The following LYPLAL1 variants were observed in gnomAD, a reference collection of about 807,000 sequenced individuals.
The protein encoded by LYPLAL1 is lysophospholipase like 1.
Under a neutral mutation model 19.7 loss-of-function variants are expected in LYPLAL1, and 23 were observed. The ratio of observed to expected loss-of-function variants is 1.17; its 90% CI spans 0.84 to 1.65. The LOEUF is 1.65. LYPLAL1 is among the 40% of genes most tolerant of loss of function. The probability of loss-of-function intolerance (pLI) is 0.00; values close to 1 mark genes in which losing one functional copy is unlikely to be tolerated. For missense variants in LYPLAL1, 355 were observed against 279.4 expected (o/e 1.27, Z -1.93); for synonymous variants, 119 against 96.3 (o/e 1.24, Z -1.38).
At chr1:219,265,801 G>A in the LYPLAL1 span, among the ~76,000 whole-genome samples, 4 of 152,100 alleles carry the variant, frequency 2.6e-5, no homozygotes, top group South Asian at 2.1e-4. Context: ...ACATGGTATC[G>A]TACTGAATAC....
At chr1:219,366,925 AT>A in the LYPLAL1 span, among the ~76,000 whole-genome samples, 1 of 151,856 alleles carries the variant, frequency 6.6e-6, no homozygotes, top group Non-Finnish European at 1.5e-5. Flanking sequence ...AAATTAAATG[AT>A]TTTTTATCCC....
At chr1:219,297,956 C>T in the LYPLAL1 span, among the ~76,000 whole-genome samples, 1 of 152,158 alleles carries the variant, frequency 6.6e-6, no homozygotes. Context: ...GATAGAGACT[C>T]AGAGAGGTTA....
At chr1:219,389,718 T>C in the LYPLAL1 span, among the ~76,000 whole-genome samples, 1 of 152,324 alleles carries the variant, frequency 6.6e-6, no homozygotes, top group East Asian at 1.9e-4. Context: ...TTGCCATCCA[T>C]AGTCTCTCTG....
the LYPLAL1 span, among the ~76,000 whole-genome samples, chr1:219,292,299 A>G: frequency 2.6e-5 from 4 of 152,224 alleles, no homozygotes; most frequent in African/African-American, 9.6e-5. Context: ...GAAGTTCACA[A>G]CCACAAGGCA....
chr1:219,203,394 A>G (rs1040190750), intron 3 of LYPLAL1, among the ~76,000 whole-genome samples: 2 of 152,098 alleles, frequency 1.3e-5, no homozygotes, highest in Non-Finnish European at 2.9e-5. Context: ...TTTATTTTCA[A>G]ATTGTCAATA....
chr1:219,317,454 C>T, the LYPLAL1 span, among the ~76,000 whole-genome samples: 7 of 152,026 alleles, frequency 4.6e-5, no homozygotes, highest in African/African-American at 1.7e-4. Context: ...GTCACTTCAA[C>T]CATCTTTAGA....
the LYPLAL1 span, among the ~76,000 whole-genome samples, chr1:219,247,338 A>G: frequency 1.3e-5 from 2 of 152,246 alleles, no homozygotes; most frequent in Non-Finnish European, 2.9e-5. Flanking sequence ...CAAAAATCTT[A>G]TAAAGAAACA....
At chr1:219,366,183 A>G in the LYPLAL1 span, among the ~76,000 whole-genome samples, 10,236 of 152,190 alleles carry the variant, frequency 0.067, 486 homozygotes, top group South Asian at 0.12. Flanking sequence ...AAACTCACTA[A>G]CCTGCCCCAA....
the LYPLAL1 span, among the ~76,000 whole-genome samples, chr1:219,362,070 T>C: frequency 3.3e-5 from 5 of 152,116 alleles, no homozygotes; most frequent in Admixed American, 6.6e-5. Flanking sequence ...TTTTGATAGA[T>C]TAATAGAATG....
At chr1:219,286,193 T>C in the LYPLAL1 span, among the ~76,000 whole-genome samples, 1 of 152,072 alleles carries the variant, frequency 6.6e-6, no homozygotes, top group Non-Finnish European at 1.5e-5. Flanking sequence ...ACAGTTGCAA[T>C]AGGCTGGCTA....
the LYPLAL1 span, among the ~76,000 whole-genome samples, chr1:219,285,760 T>A: frequency 1.3e-5 from 2 of 152,164 alleles, no homozygotes; most frequent in Admixed American, 1.3e-4. Context: ...TAAGGTTTTC[T>A]TTTAGGGGCA....
the LYPLAL1 span, among the ~76,000 whole-genome samples, chr1:219,237,238 A>G: frequency 2.6e-5 from 4 of 152,226 alleles, no homozygotes; most frequent in South Asian, 2.1e-4. Context: ...AATAAAATAC[A>G]TGGATTACTA....
At chr1:219,431,271 G>A in the LYPLAL1 span, among the ~76,000 whole-genome samples, 1 of 151,802 alleles carries the variant, frequency 6.6e-6, no homozygotes, top group Non-Finnish European at 1.5e-5. Flanking sequence ...CATGTTTTCA[G>A]AGGATACGAA....
the LYPLAL1 span, among the ~76,000 whole-genome samples, chr1:219,266,460 T>C: frequency 6.6e-6 from 1 of 152,144 alleles, no homozygotes; most frequent in African/African-American, 2.4e-5. Context: ...AATGCCTTCT[T>C]CTGTAATACA....
At chr1:219,247,013 T>C in the LYPLAL1 span, among the ~76,000 whole-genome samples, 78 of 152,352 alleles carry the variant, frequency 5.1e-4, 1 homozygote, top group African/African-American at 1.7e-3. Context: ...TTCTTCCCTG[T>C]ATCTGTTTTC....
the LYPLAL1 span, among the ~76,000 whole-genome samples, chr1:219,377,618 G>A: frequency 6.6e-6 from 1 of 152,040 alleles, no homozygotes; most frequent in Non-Finnish European, 1.5e-5. Context: ...GCTGGAGATT[G>A]CCTCTTCTTT....
chr1:219,402,699 A>G, the LYPLAL1 span, among the ~76,000 whole-genome samples: 1 of 151,976 alleles, frequency 6.6e-6, no homozygotes, highest in Non-Finnish European at 1.5e-5. Context: ...TATAGTATGC[A>G]TCATTTGGTA....
the LYPLAL1 span, among the ~76,000 whole-genome samples, chr1:219,352,799 G>A: frequency 1.3e-5 from 2 of 152,168 alleles, no homozygotes; most frequent in Non-Finnish European, 2.9e-5. Flanking sequence ...TTCATCCAGT[G>A]TTTGGCTTAC....
chr1:219,397,486 T>G, the LYPLAL1 span, among the ~76,000 whole-genome samples: 1 of 152,180 alleles, frequency 6.6e-6, no homozygotes, highest in African/African-American at 2.4e-5. Flanking sequence ...TCAGTAGGAA[T>G]TGTACCAGCT....
Sources: gnomAD v4.1 joint callset for allele counts (sites outside exome capture counted in the v4.1 genomes callset) on GRCh38, gnomAD v4.1.1 for gene constraint, MANE v1.5 for transcripts, NCBI Gene and HGNC (gene_info 2026-07-23, HGNC 2026-07-21) for gene names.